BABAM2: variants seen among roughly 807,000 people sequenced by gnomAD.
BABAM2 encodes BRISC and BRCA1-A complex member 2.
BABAM2 carries 31 observed loss-of-function variants against 54.7 expected under a neutral mutation model. The observed-to-expected ratio is 0.57, with a 90% confidence interval of 0.43 to 0.77. The LOEUF is 0.77. Ranked by LOEUF, BABAM2 falls within the 30% of genes least tolerant of loss-of-function variation. The pLI is 0.00. For synonymous variants in BABAM2, 167 were observed against 162.9 expected, an observed-to-expected ratio of 1.03 and a Z score of -0.19; for missense variants, 364 against 455.8, an observed-to-expected ratio of 0.80 and a Z score of 1.83.
At chr2:27,982,442 C>T (rs1331598672) in intron 3 of BABAM2, among the ~76,000 whole-genome samples, 2 of 151,850 alleles carry the variant, frequency 1.3e-5, no homozygotes, top group African/African-American at 2.4e-5. Flanking sequence ...AAGATTTATT[C>T]TTATGTTTCC....
At chr2:28,250,700 A>G (rs1471046423) in intron 10 of BABAM2, among the ~76,000 whole-genome samples, 2 of 151,728 alleles carry the variant, frequency 1.3e-5, no homozygotes. Context: ...CCCAGGTTCA[A>G]GCAATTCTCC....
At chr2:27,964,417 A>G (rs1438348577) in intron 3 of BABAM2, among the ~76,000 whole-genome samples, 1 of 152,242 alleles carries the variant, frequency 6.6e-6, no homozygotes. Flanking sequence ...TTAGTTGTAT[A>G]AGTAGAGGAA....
intron 6 of BABAM2, among the ~76,000 whole-genome samples, chr2:28,103,982 A>AT (rs201379804): frequency 6.6e-6 from 1 of 152,088 alleles, no homozygotes; most frequent in African/African-American, 2.4e-5. Context: ...CAATAAACTC[A>AT]TTTTTTTAAC....
intron 11 of BABAM2, among the ~76,000 whole-genome samples, chr2:28,336,715 T>A (rs1259266378): frequency 6.6e-6 from 1 of 152,132 alleles, no homozygotes; most frequent in East Asian, 1.9e-4. Context: ...CAAGGCCAGA[T>A]TGGAAAGAGG....
intron 7 of BABAM2, among the ~76,000 whole-genome samples, chr2:28,136,522 G>A (rs181792939): frequency 2.0e-5 from 3 of 152,344 alleles, no homozygotes; most frequent in Admixed American, 6.5e-5. Flanking sequence ...ATGTTAAGGC[G>A]GTGGGCTTTC....
intron 3 of BABAM2, among the ~76,000 whole-genome samples, chr2:27,953,943 A>T (rs1669918334): frequency 6.6e-6 from 1 of 152,204 alleles, no homozygotes; most frequent in Non-Finnish European, 1.5e-5. Flanking sequence ...GAGGAGAAAG[A>T]GAAGGAGATT....
intron 7 of BABAM2, among the ~76,000 whole-genome samples, chr2:28,226,887 T>TG (rs1443670028): frequency 6.6e-6 from 1 of 151,392 alleles, no homozygotes; most frequent in Non-Finnish European, 1.5e-5. Flanking sequence ...CAATTGACTA[T>TG]GGGGTGTGAG....
chr2:28,050,527 T>C (rs1440113605), intron 6 of BABAM2, among the ~76,000 whole-genome samples: 1 of 152,176 alleles, frequency 6.6e-6, no homozygotes, highest in Admixed American at 6.5e-5. Context: ...GGCTTGGTTT[T>C]TGAGTGCGGT....
intron 3 of BABAM2, among the ~76,000 whole-genome samples, chr2:27,945,799 G>GTTT (rs35951387): frequency 9.3e-5 from 13 of 139,170 alleles, no homozygotes; most frequent in African/African-American, 3.4e-4. Context: ...TAGTAGTGTG[G>GTTT]TTTTTTTTTT....
At chr2:28,042,539 A>G (rs1677188539) in intron 5 of BABAM2, among the ~76,000 whole-genome samples, 1 of 152,146 alleles carries the variant, frequency 6.6e-6, no homozygotes, top group African/African-American at 2.4e-5. Flanking sequence ...ATAAAGACCG[A>G]GAAATGATCA....
intron 7 of BABAM2, among the ~76,000 whole-genome samples, chr2:28,185,841 C>G (rs1676224482): frequency 6.6e-6 from 1 of 152,002 alleles, no homozygotes; most frequent in South Asian, 2.1e-4. Flanking sequence ...CACTGGGAGG[C>G]TAAGGATCAC....
At chr2:28,095,664 G>T (rs1383021796) in intron 6 of BABAM2, among the ~76,000 whole-genome samples, 2 of 152,144 alleles carry the variant, frequency 1.3e-5, no homozygotes, top group Non-Finnish European at 2.9e-5. Flanking sequence ...AAGATTTGGG[G>T]TATTTAGGGT....
chr2:28,046,181 G>A (rs780170441), intron 6 of BABAM2, among the ~76,000 whole-genome samples: 2 of 152,286 alleles, frequency 1.3e-5, no homozygotes, highest in East Asian at 1.9e-4. Context: ...TTGGCCGGGC[G>A]CGGTGGCTCA....
intron 4 of BABAM2, among the ~76,000 whole-genome samples, chr2:28,023,002 G>T (rs893236600): frequency 6.6e-6 from 1 of 152,132 alleles, no homozygotes; most frequent in Non-Finnish European, 1.5e-5. Flanking sequence ...AATACTAGAG[G>T]AATTTTTATC....
In BABAM2 at chr2:28,174,569, C is replaced by T. The variant is rs1674710536; in HGVS notation, c.680+45189C>T. ...GATCAGCTAGAAGCCCTGAGAGGCT[C>T]CTCAGTGTGGGGAAAGGGGGAGAGA... On this transcript the variant is annotated intron_variant, in intron 7 of 11. Coordinates refer to ENST00000379624, the MANE Select transcript of BABAM2 (RefSeq NM_199191.3). Among the ~76,000 whole-genome samples the T allele has an allele frequency of 2.7e-5, 4 of 145,714 alleles. No individual in the cohort carries two copies. In the South Asian group the frequency reaches 9.7e-4, roughly 35 times the overall value.
At chr2:28,204,544 T>A (rs1444895081) in intron 7 of BABAM2, among the ~76,000 whole-genome samples, 1 of 151,768 alleles carries the variant, frequency 6.6e-6, no homozygotes, top group Non-Finnish European at 1.5e-5. Context: ...TTCAACATAC[T>A]TAGGACAAGG....
chr2:28,113,882 C>T (rs1364124882), intron 6 of BABAM2, among the ~76,000 whole-genome samples: 1 of 152,052 alleles, frequency 6.6e-6, no homozygotes, highest in African/African-American at 2.4e-5. Context: ...AAGTTGTATT[C>T]CTAGGTATTT....
intron 6 of BABAM2, among the ~76,000 whole-genome samples, chr2:28,109,325 AC>A (rs1442883341): frequency 1.3e-5 from 2 of 151,722 alleles, no homozygotes; most frequent in African/African-American, 4.8e-5. Flanking sequence ...AGTAGCTGGG[AC>A]TACAGGCGCC....
intron 11 of BABAM2, among the ~76,000 whole-genome samples, chr2:28,323,405 G>T (rs1462128691): frequency 6.6e-6 from 1 of 152,134 alleles, no homozygotes; most frequent in African/African-American, 2.4e-5. Context: ...CGCTGGGAGA[G>T]GTCATTTGTT....
Sources: allele counts gnomAD v4.1 joint callset (sites outside exome capture counted in the v4.1 genomes callset), GRCh38; gene constraint gnomAD v4.1.1; transcripts MANE v1.5; gene names NCBI Gene and HGNC (gene_info 2026-07-23, HGNC 2026-07-21).